EXOC4: variants seen among roughly 807,000 people sequenced by gnomAD.
The protein encoded by EXOC4 is exocyst complex component 4.
EXOC4 carries 71 observed loss-of-function variants against 107.2 expected under a neutral mutation model. The ratio of observed to expected loss-of-function variants is 0.66; its 90% CI spans 0.55 to 0.81. The LOEUF (loss-of-function observed/expected upper bound fraction) is 0.81, where lower values mean the gene tolerates loss of function less well. Ranked by LOEUF, EXOC4 falls within the 30% of genes least tolerant of loss-of-function variation. The pLI is 0.00. For missense variants in EXOC4, 1,108 were observed against 1,189.6 expected, an observed-to-expected ratio of 0.93 and a Z score of 1.01; for synonymous variants, 456 against 441.2, an observed-to-expected ratio of 1.03 and a Z score of -0.42.
At chr7:134,011,065 CT>C (rs1794752068) in intron 17 of EXOC4, among the ~76,000 whole-genome samples, 1 of 152,204 alleles carries the variant, frequency 6.6e-6, no homozygotes, top group South Asian at 2.1e-4. Context: ...TTTAACCCCC[CT>C]GTTAATTTTC....
chr7:134,016,154 T>C (rs992605393), intron 17 of EXOC4, among the ~76,000 whole-genome samples: 13 of 151,996 alleles, frequency 8.6e-5, no homozygotes, highest in Non-Finnish European at 4.4e-5. Context: ...TCAGTGGTTG[T>C]GGTGAGTATA....
At chr7:133,615,281 C>A (rs370850182) in intron 9 of EXOC4, among the ~76,000 whole-genome samples, 2 of 152,034 alleles carry the variant, frequency 1.3e-5, no homozygotes, top group African/African-American at 4.8e-5. Context: ...CCTCCTCCCC[C>A]CTCATCTACT....
intron 7 of EXOC4, among the ~76,000 whole-genome samples, chr7:133,430,929 C>T (rs1455984627): frequency 6.6e-6 from 1 of 152,146 alleles, no homozygotes; most frequent in Non-Finnish European, 1.5e-5. Flanking sequence ...AGTTTAGGCA[C>T]CTTGTCCATT....
intron 14 of EXOC4, among the ~76,000 whole-genome samples, chr7:133,969,594 G>T (rs915902009): frequency 6.6e-6 from 1 of 152,126 alleles, no homozygotes; most frequent in Non-Finnish European, 1.5e-5. Context: ...CTAACAGGCC[G>T]CTCTGCTGTA....
At chr7:133,537,236 C>T (rs768225717) in intron 9 of EXOC4, among the ~76,000 whole-genome samples, 27 of 151,798 alleles carry the variant, frequency 1.8e-4, no homozygotes, top group South Asian at 8.3e-4. Flanking sequence ...CTGCAGCCTC[C>T]GCCTCCCAGG....
intron 14 of EXOC4, among the ~76,000 whole-genome samples, chr7:133,942,836 A>G (rs1330810164): frequency 6.6e-6 from 1 of 152,194 alleles, no homozygotes; most frequent in Admixed American, 6.5e-5. Flanking sequence ...ACACCTAAAT[A>G]TATGGAATTA....
chr7:133,990,706 G>A (rs560810013), intron 14 of EXOC4, among the ~76,000 whole-genome samples: 176 of 152,124 alleles, frequency 1.2e-3, no homozygotes, highest in Non-Finnish European at 1.9e-3. Context: ...CACCCACCTC[G>A]GCCTCCTGAA....
At chr7:133,708,786 G>A (rs1794822040) in intron 10 of EXOC4, among the ~76,000 whole-genome samples, 1 of 152,178 alleles carries the variant, frequency 6.6e-6, no homozygotes, top group South Asian at 2.1e-4. Flanking sequence ...CATTAAATAT[G>A]TACAGCATCT....
At chr7:134,039,779 A>T in intron 17 of EXOC4, among the ~76,000 whole-genome samples, 1 of 152,174 alleles carries the variant, frequency 6.6e-6, no homozygotes, top group East Asian at 1.9e-4. Context: ...CTTTGATAGC[A>T]TTCTCATTCA....
rs572946828 is a variant in EXOC4, at chr7:133,603,420, T to C, written c.1418-26625T>C. 3.9e-5 allele frequency among the ~76,000 whole-genome samples: 6 copies of C among 152,342 alleles called. No individual in the cohort carries two copies. The South Asian group carries it at 1.2e-3, about 32-fold the overall frequency. ...ATCTTTTGAGAAATGCATCATTAGG[T>C]GATTTCATCATTTTATGCACATCAT... On this transcript the variant is annotated intron_variant, in intron 9 of 17. Transcript: ENST00000253861.
chr7:133,604,706 C>CCTTTTTTTTT, intron 9 of EXOC4, among the ~76,000 whole-genome samples: 1 of 87,536 alleles, frequency 1.1e-5, no homozygotes, highest in East Asian at 3.1e-4. Context: ...TTCCTTCCTT[C>CCTTTTTTTTT]TTTCTTTTTT....
At chr7:133,786,856 T>A (rs1240868373) in intron 10 of EXOC4, among the ~76,000 whole-genome samples, 2 of 152,240 alleles carry the variant, frequency 1.3e-5, no homozygotes, top group Non-Finnish European at 2.9e-5. Flanking sequence ...CAGAATGTAT[T>A]AGTCCACTAA....
intron 14 of EXOC4, among the ~76,000 whole-genome samples, chr7:133,979,575 C>A (rs1039230670): frequency 3.5e-4 from 53 of 152,100 alleles, no homozygotes; most frequent in African/African-American, 1.3e-3. Flanking sequence ...ATCACAAGGT[C>A]AAGAGATCGA....
At position 133,913,853 on chromosome 7, in the gene EXOC4, A is replaced by G. The variant is rs117938599; in HGVS notation, c.1872-3730A>G. 1.3e-3 allele frequency among the ~76,000 whole-genome samples: 196 copies of G among 152,348 alleles called. 4 individuals are homozygous for G. The East Asian group carries it at 0.035, about 27-fold the overall frequency. ...GAAGATGAGACTGCCCAAGTCAGCA[A>G]TGCAGAATTCTGTGGAACACAGCAT... On this transcript the variant is annotated intron_variant, in intron 12 of 17. Coordinates refer to ENST00000253861, the MANE Select transcript of EXOC4 (RefSeq NM_021807.4).
At chr7:133,697,248 G>A (rs987952926) in intron 10 of EXOC4, among the ~76,000 whole-genome samples, 3 of 151,888 alleles carry the variant, frequency 2.0e-5, no homozygotes, top group African/African-American at 7.3e-5. Flanking sequence ...TAATATCTTT[G>A]TCTCTGTTTT....
In EXOC4 at chr7:133,307,260, ACTT is replaced by A. The variant is rs1354582213; in HGVS notation, c.656+1202_656+1204del. 3.3e-5 allele frequency among the ~76,000 whole-genome samples: 5 copies of A among 152,296 alleles called. No homozygotes were observed. The East Asian group carries it at 9.7e-4, about 29-fold the overall frequency. On this transcript the variant is annotated intron_variant, in intron 4 of 17. Transcript: ENST00000253861. ...TTTTCAGCAGATAGGCACTAGAAAA[ACTT>A]CTGCCAGGCACACAGATTTGATATG... is the stretch of plus-strand genomic sequence containing the variant.
intron 10 of EXOC4, among the ~76,000 whole-genome samples, chr7:133,677,507 A>G (rs771481927): frequency 6.6e-6 from 1 of 152,296 alleles, no homozygotes; most frequent in Middle Eastern, 3.4e-3. Flanking sequence ...ATAAAATTCC[A>G]TAGTTTCAGT....
chr7:134,085,342 A>C, the EXOC4 span, among the ~76,000 whole-genome samples: 2 of 152,152 alleles, frequency 1.3e-5, no homozygotes, highest in Non-Finnish European at 2.9e-5. Context: ...CAAAAAAAAA[A>C]AAACCAACTT....
intron 10 of EXOC4, among the ~76,000 whole-genome samples, chr7:133,703,482 A>G (rs1176461449): frequency 6.6e-6 from 1 of 152,202 alleles, no homozygotes; most frequent in East Asian, 1.9e-4. Context: ...TCAAGGAATA[A>G]TAAAGTTGTG....
Sources: gnomAD v4.1 joint callset for allele counts (sites outside exome capture counted in the v4.1 genomes callset) on GRCh38, gnomAD v4.1.1 for gene constraint, MANE v1.5 for transcripts, NCBI Gene and HGNC (gene_info 2026-07-23, HGNC 2026-07-21) for gene names.